SLC1A7: variants seen among roughly 807,000 people sequenced by gnomAD.
The protein encoded by SLC1A7 is solute carrier family 1 member 7.
In SLC1A7, 40 loss-of-function variants were observed where a neutral mutation model predicts 47.7. That is an observed-to-expected ratio of 0.84 (90% confidence interval 0.65 to 1.09). The LOEUF (loss-of-function observed/expected upper bound fraction) is 1.09, where lower values mean the gene tolerates loss of function less well. SLC1A7 is among the 50% of genes least tolerant of loss of function. The pLI, the probability that SLC1A7 is intolerant of heterozygous loss-of-function variation, is 0.00. For missense variants in SLC1A7, 746 were observed against 769.5 expected, an observed-to-expected ratio of 0.97 and a Z score of 0.36; for synonymous variants, 323 against 325.6, an observed-to-expected ratio of 0.99 and a Z score of 0.09.
intron 3 of SLC1A7, 152 bp from the exon 4 acceptor site, chr1:53,105,926 A>T: frequency 1.5e-6 from 1 of 679,540 alleles, no homozygotes. Flanking sequence ...CATCATGGAC[A>T]CTCCACAGCG....
At chr1:53,111,231 T>G (rs1324496036) in intron 3 of SLC1A7, among the ~76,000 whole-genome samples, 1 of 151,792 alleles carries the variant, frequency 6.6e-6, no homozygotes, top group Non-Finnish European at 1.5e-5. Flanking sequence ...GCTGCATGCT[T>G]TCTGCAGGGA....
At chr1:53,120,803 C>G (rs899093648) in intron 2 of SLC1A7, among the ~76,000 whole-genome samples, 1 of 152,254 alleles carries the variant, frequency 6.6e-6, no homozygotes, top group African/African-American at 2.4e-5. Context: ...GAGCCCAGTC[C>G]CCGCCTTCTT....
intron 1 of SLC1A7, among the ~76,000 whole-genome samples, chr1:53,139,785 T>C (rs1645038142): frequency 6.6e-6 from 1 of 152,208 alleles, no homozygotes; most frequent in African/African-American, 2.4e-5. Flanking sequence ...TCTCCTTTTA[T>C]ATTCTCTTTA....
chr1:53,103,603 G>A, intron 4 of SLC1A7, 35 bp from the exon 5 acceptor site: 1 of 1,347,558 alleles, frequency 7.4e-7, no homozygotes. Flanking sequence ...GAGAAGTCAG[G>A]GCCAAGGGTT....
At chr1:53,093,728 T>C (rs1285725763) in intron 5 of SLC1A7, among the ~76,000 whole-genome samples, 168 bp from the exon 6 acceptor site, 1 of 49,668 alleles carries the variant, frequency 2.0e-5, no homozygotes, top group Non-Finnish European at 4.5e-5. Context: ...GATCCCACAG[T>C]GCTCTCACGT....
chr1:53,105,581 C>A, intron 4 of SLC1A7, 151 bp downstream of exon 4: 1 of 718,188 alleles, frequency 1.4e-6, no homozygotes. Context: ...TCTAGGTTCC[C>A]CAGCGTACCC....
rs543231123 is a variant in SLC1A7, at chr1:53,138,146, C to T, written c.136-3717G>A. Among the ~76,000 whole-genome samples the T allele has an allele frequency of 2.6e-5, 4 of 152,284 alleles. No homozygotes were observed. In the South Asian group the frequency reaches 8.3e-4, roughly 32 times the overall value. ...AAGGTGTTTCTCCCTTGTCTTCTAGCTTCCAGTTTGCTTAAGATGTTCAAA... is the reference window on the plus strand; with the variant it reads ...AAGGTGTTTCTCCCTTGTCTTCTAGTTTCCAGTTTGCTTAAGATGTTCAAA... On this transcript the variant is annotated intron_variant, in intron 1 of 10. Transcript: ENST00000371494.
At chr1:53,093,060 A>T (rs1335987321) in intron 6 of SLC1A7, among the ~76,000 whole-genome samples, 1 of 152,198 alleles carries the variant, frequency 6.6e-6, no homozygotes, top group African/African-American at 2.4e-5. Flanking sequence ...GAGTCTACAC[A>T]GTGCGCCTGG....
intron 1 of SLC1A7, among the ~76,000 whole-genome samples, chr1:53,138,744 A>G (rs1645026030): frequency 6.6e-6 from 1 of 152,156 alleles, no homozygotes; most frequent in Non-Finnish European, 1.5e-5. Flanking sequence ...ACACTGTGTA[A>G]TGTTCAAATC....
chr1:53,103,208 T>G, intron 5 of SLC1A7, 138 bp downstream of exon 5: 4 of 648,174 alleles, frequency 6.2e-6, no homozygotes, highest in East Asian at 3.0e-5. Flanking sequence ...TAAACAGGTG[T>G]GGTGAATATT....
Position 53,088,769 on chromosome 1 carries a change from G to A in SLC1A7, c.1464+108C>T, listed in dbSNP as rs1374613011. The A allele has an allele frequency of 7.7e-6, 6 of 783,230 alleles. No individual in the cohort carries two copies. In the African/African-American group the frequency reaches 8.5e-5, roughly 11 times the overall value. The allele number at this position is 783,230 out of a possible 1,614,324, so 48.5% of individuals were successfully genotyped here. ...GGAGACCGAGGCCCAGAGGCATGGAGGGAGGGATTGGCTGGAGGCTGCCGA... is the reference window on the plus strand; with the variant it reads ...GGAGACCGAGGCCCAGAGGCATGGAAGGAGGGATTGGCTGGAGGCTGCCGA... On this transcript the variant is annotated intron_variant, in intron 10 of 10. Transcript: ENST00000371494.
intron 1 of SLC1A7, among the ~76,000 whole-genome samples, chr1:53,135,837 A>G (rs1395848626): frequency 6.6e-6 from 1 of 152,174 alleles, no homozygotes; most frequent in African/African-American, 2.4e-5. Context: ...AGGCAGGCAA[A>G]TGGACTTTCA....
chr1:53,137,735 C>T (rs1464400542), intron 1 of SLC1A7, among the ~76,000 whole-genome samples: 1 of 152,150 alleles, frequency 6.6e-6, no homozygotes, highest in Non-Finnish European at 1.5e-5. Flanking sequence ...ACTAAACTAC[C>T]TAACAATAGT....
chr1:53,101,295 GT>G (rs1644576083), intron 5 of SLC1A7, among the ~76,000 whole-genome samples: 1 of 116,490 alleles, frequency 8.6e-6, no homozygotes, highest in Non-Finnish European at 1.8e-5. Flanking sequence ...CCCCACCTCG[GT>G]ACACTCGCAC....
intron 2 of SLC1A7, among the ~76,000 whole-genome samples, chr1:53,128,259 G>A (rs552971451): frequency 6.6e-6 from 1 of 152,264 alleles, no homozygotes; most frequent in Admixed American, 6.5e-5. Flanking sequence ...AGGATGCCTC[G>A]AGCCCAGGAA....
At chr1:53,108,135 C>T (rs1235266756) in intron 3 of SLC1A7, 1 of 172,708 alleles carries the variant, frequency 5.8e-6, no homozygotes, top group East Asian at 1.8e-4. Context: ...TGAGAAATGC[C>T]AACTCTGAGG....
At chr1:53,090,997 G>A (rs1644415914) in intron 7 of SLC1A7, 191 bp from the exon 8 acceptor site, 2 of 1,463,066 alleles carry the variant, frequency 1.4e-6, no homozygotes, top group African/African-American at 1.4e-5. Flanking sequence ...TGAGGGAGGT[G>A]TTTGGGTGCA....
chr1:53,098,885 G>A (rs1029811932), intron 5 of SLC1A7, among the ~76,000 whole-genome samples: 32 of 142,564 alleles, frequency 2.2e-4, no homozygotes, highest in Non-Finnish European at 3.7e-4. Flanking sequence ...ACACTGCCTC[G>A]GTACACCCAC....
chr1:53,109,456 C>G (rs141096258), intron 3 of SLC1A7, among the ~76,000 whole-genome samples: 115 of 152,286 alleles, frequency 7.6e-4, no homozygotes, highest in African/African-American at 2.6e-3. Flanking sequence ...CCCCCCGGAG[C>G]CCTGGAAAAT....
Sources: allele counts gnomAD v4.1 joint callset (sites outside exome capture counted in the v4.1 genomes callset), GRCh38; gene constraint gnomAD v4.1.1; transcripts MANE v1.5; gene names NCBI Gene and HGNC (gene_info 2026-07-23, HGNC 2026-07-21).